NRAS: variants seen among roughly 807,000 people sequenced by gnomAD.
The protein encoded by NRAS is GTPase NRas.
NRAS carries 6 observed loss-of-function variants against 21.3 expected under a neutral mutation model. The ratio of observed to expected loss-of-function variants is 0.28; its 90% CI spans 0.15 to 0.56. NRAS has a LOEUF of 0.56. Among genes scored for constraint, NRAS ranks in the 20% least tolerant of loss-of-function variants. The pLI is 0.93. For missense variants in NRAS, 143 were observed against 231.3 expected, an observed-to-expected ratio of 0.62 and a Z score of 2.48; for synonymous variants, 84 against 82.0, an observed-to-expected ratio of 1.02 and a Z score of -0.13.
At chr1:114,713,242 T>C (rs1206229678) in intron 3 of NRAS, among the ~76,000 whole-genome samples, 1 of 152,158 alleles carries the variant, frequency 6.6e-6, no homozygotes, top group Non-Finnish European at 1.5e-5. Flanking sequence ...AGCAGTGCAG[T>C]GGAGTGAGCA....
At chr1:114,710,338 A>G (rs951242622) in intron 3 of NRAS, among the ~76,000 whole-genome samples, 1 of 144,792 alleles carries the variant, frequency 6.9e-6, no homozygotes, top group Non-Finnish European at 1.5e-5. Context: ...ATATATTTAT[A>G]AATAAAAAAT....
chr1:114,709,552 T>C lies in NRAS; in HGVS notation c.450+17A>G, dbSNP rs199793266. 6.2e-7 allele frequency: 1 copy of C among 1,610,384 alleles called. No individual in the cohort carries two copies. The highest frequency in any genetic ancestry group is 8.5e-7 in the Non-Finnish European group (1 of 1,176,576). On this transcript the variant is annotated intron_variant, in intron 4 of 6. Coordinates refer to ENST00000369535, the MANE Select transcript of NRAS (RefSeq NM_002524.5). ...CTGATGCAAACTCTTGCACAAATGC[T>C]GAAAGCTGTACCATACCTGTCTGGT... is the stretch of plus-strand genomic sequence containing the variant.
chr1:114,715,907 G>A (rs1422566121), intron 2 of NRAS, 143 bp downstream of exon 2: 1 of 702,578 alleles, frequency 1.4e-6, no homozygotes, highest in Non-Finnish European at 2.6e-6. Context: ...CTATAAACAC[G>A]TTAAGCTTAT....
At position 114,707,669 on chromosome 1, in the gene NRAS, G is replaced by A. The variant is rs991388598; in HGVS notation, c.*425C>T. 3.9e-5 allele frequency: 6 copies of A among 152,344 alleles called. No individual in the cohort carries two copies. The highest frequency in any genetic ancestry group is 1.5e-4 in the African/African-American group (6 of 41,326). The allele number at this position is 152,344 out of a possible 1,614,324, so 9.4% of individuals were successfully genotyped here. A position where few individuals can be genotyped will look rare whatever the true frequency, so the allele number is the denominator to read the frequency against. ...TCTCCAAAAATTAGCATAGTTCTAA[G>A]TTCAACAGTAAAAAGAAAAAAAAAA... On this transcript the variant is annotated 3_prime_UTR_variant, in exon 7 of 7. Coordinates refer to ENST00000369535, the MANE Select transcript of NRAS (RefSeq NM_002524.5).
At chr1:114,712,319 C>T (rs1659065981) in intron 3 of NRAS, among the ~76,000 whole-genome samples, 1 of 152,208 alleles carries the variant, frequency 6.6e-6, no homozygotes, top group East Asian at 1.9e-4. Flanking sequence ...ACAGAATATG[C>T]TCACTCCTAA....
intron 3 of NRAS, among the ~76,000 whole-genome samples, chr1:114,710,981 T>C (rs1197164075): frequency 1.3e-5 from 2 of 152,198 alleles, no homozygotes; most frequent in African/African-American, 4.8e-5. Flanking sequence ...CTTTTCAAGA[T>C]GGGTGGTGCT....
chr1:114,709,511 T>C (rs2101738462), intron 4 of NRAS, 58 bp downstream of exon 4: 1 of 1,328,978 alleles, frequency 7.5e-7, no homozygotes, highest in Non-Finnish European at 1.1e-6. Context: ...ATCACATCTC[T>C]ACCAGAGTTA....
intron 4 of NRAS, among the ~76,000 whole-genome samples, chr1:114,709,317 C>T (rs552770703): frequency 6.6e-6 from 1 of 152,104 alleles, no homozygotes; most frequent in East Asian, 1.9e-4. Flanking sequence ...TGCCCGTAGT[C>T]CCAGCTACTT....
At chr1:114,709,420 G>A (rs750730846) in intron 4 of NRAS, 149 bp downstream of exon 4, 16 of 671,852 alleles carry the variant, frequency 2.4e-5, no homozygotes, top group Non-Finnish European at 4.1e-5. Flanking sequence ...AGAAGATAGA[G>A]TGAGACTCTG....
rs1021063826 is a variant in NRAS, at chr1:114,708,136, T to C, written c.*43+18A>G. The stretch of plus-strand genomic sequence containing the variant: ...CAAAATTAACAGGAATGAGAATACA[T>C]TTCCAAACTTGTCCTACCTTGAAAG... On this transcript the variant is annotated intron_variant, in intron 6 of 6. Coordinates refer to ENST00000369535, the MANE Select transcript of NRAS (RefSeq NM_002524.5). 6.2e-5 allele frequency: 13 copies of C among 210,144 alleles called. No homozygotes were observed. Among genetic ancestry groups the C allele is most frequent in the South Asian group, 5.5e-4 (7 of 12,826 alleles). The allele number at this position is 210,144 out of a possible 1,614,324, so 13.0% of individuals were successfully genotyped here.
At chr1:114,712,045 C>T (rs745786323) in intron 3 of NRAS, among the ~76,000 whole-genome samples, 2 of 152,194 alleles carry the variant, frequency 1.3e-5, no homozygotes, top group Non-Finnish European at 1.5e-5. Flanking sequence ...TGGCTATTTG[C>T]AAAACTGTGC....
rs577549773 is a variant in NRAS, at chr1:114,707,031, A to G, written c.*1063T>C. On this transcript the variant is annotated 3_prime_UTR_variant, in exon 7 of 7. Transcript: ENST00000369535. ...CACAGCTATTAAATAACAATGCACC[A>G]AAGTTTTACAATATTTGAACATCTG... 3 of 152,770 alleles carry G rather than the reference A, an allele frequency of 2.0e-5. No homozygotes were observed. Among genetic ancestry groups the G allele is most frequent in the South Asian group, 2.1e-4 (1 of 4,828 alleles). The allele number at this position is 152,770 out of a possible 1,614,324, so 9.5% of individuals were successfully genotyped here.
rs1205095641 is a variant in NRAS at position 114,707,274 on chromosome 1, A to T, written c.*820T>A. On this transcript the variant is annotated 3_prime_UTR_variant, in exon 7 of 7. Transcript: ENST00000369535. ...GAAAGCCCCAAAACAGGCCTCTGGA[A>T]AACCAATTTCATACATGTACAAAAT... 1 of 152,546 alleles carries T rather than the reference A, an allele frequency of 6.6e-6. No homozygotes were observed. The highest frequency in any genetic ancestry group is 2.4e-5 in the African/African-American group (1 of 41,456). The allele number at this position is 152,546 out of a possible 1,614,324, so 9.4% of individuals were successfully genotyped here.
chr1:114,708,725 T>C, intron 4 of NRAS, 71 bp from the exon 5 acceptor site: 2 of 1,432,432 alleles, frequency 1.4e-6, no homozygotes, highest in Non-Finnish European at 2.0e-6. Flanking sequence ...ATAAGCTCTC[T>C]TGCATTTGTA....
Position 114,716,660 on chromosome 1 carries a change from C to T in NRAS, c.-20G>A, listed in dbSNP as rs1170528044. Reference sequence around the variant, plus strand: ...CACTATGCATGAGATAAACTTACCTCAAGCTCCACTGCCTCTGCTTTGGAC... The same window carrying T: ...CACTATGCATGAGATAAACTTACCTTAAGCTCCACTGCCTCTGCTTTGGAC... On this transcript the variant is annotated splice_region_variant and 5_prime_UTR_variant, in exon 1 of 7. Transcript: ENST00000369535. 1.7e-4 allele frequency: 37 copies of T among 216,676 alleles called. No homozygotes were observed. Among genetic ancestry groups the T allele is most frequent in the Non-Finnish European group, 9.5e-5 (10 of 105,288 alleles). The allele number at this position is 216,676 out of a possible 1,614,324, so 13.4% of individuals were successfully genotyped here.
chr1:114,710,188 C>T (rs1303521283), intron 3 of NRAS, among the ~76,000 whole-genome samples: 1 of 94,542 alleles, frequency 1.1e-5, no homozygotes, highest in Admixed American at 1.5e-4. Context: ...GAGACTCCAT[C>T]CCCCCCAACC....
chr1:114,716,244 A>G, intron 1 of NRAS, 67 bp from the exon 2 acceptor site: 1 of 925,994 alleles, frequency 1.1e-6, no homozygotes, highest in Admixed American at 1.7e-5. Flanking sequence ...GCTTTCTATA[A>G]TCAATGGAAA....
At chr1:114,708,824 C>T (rs570203123) in intron 4 of NRAS, among the ~76,000 whole-genome samples, 170 bp from the exon 5 acceptor site, 26 of 152,288 alleles carry the variant, frequency 1.7e-4, no homozygotes, top group Middle Eastern at 3.4e-3. Context: ...CACTAAATTT[C>T]ACATTCCTAT....
intron 3 of NRAS, among the ~76,000 whole-genome samples, chr1:114,710,001 G>T (rs955094602): frequency 1.1e-4 from 16 of 151,770 alleles, no homozygotes; most frequent in African/African-American, 3.6e-4. Context: ...GACCAGCCTG[G>T]CCAATATGGT....
Sources: gnomAD v4.1 joint callset for allele counts (sites outside exome capture counted in the v4.1 genomes callset) on GRCh38, gnomAD v4.1.1 for gene constraint, MANE v1.5 for transcripts, NCBI Gene and HGNC (gene_info 2026-07-23, HGNC 2026-07-21) for gene names.